HEATR5A: variants seen among roughly 807,000 people sequenced by gnomAD.
HEATR5A encodes HEAT repeat containing 5A.
Under a neutral mutation model 218.8 loss-of-function variants are expected in HEATR5A, and 178 were observed. That is an observed-to-expected ratio of 0.81 (90% CI 0.72 to 0.92). HEATR5A has a LOEUF of 0.92. Among genes scored for constraint, HEATR5A ranks in the 40% least tolerant of loss-of-function variants. The pLI is 0.00. For missense variants in HEATR5A, 2,420 were observed against 2,418.9 expected, an observed-to-expected ratio of 1.00 and a Z score of -0.01; for synonymous variants, 864 against 871.6, an observed-to-expected ratio of 0.99 and a Z score of 0.15.
intron 34 of HEATR5A, among the ~76,000 whole-genome samples, chr14:31,295,114 C>T (rs1192975216): frequency 6.6e-6 from 1 of 151,968 alleles, no homozygotes; most frequent in Non-Finnish European, 1.5e-5. Flanking sequence ...TGGCTATGAA[C>T]TCACCTAGAG....
intron 11 of HEATR5A, among the ~76,000 whole-genome samples, chr14:31,376,616 C>G (rs1026962285): frequency 2.6e-5 from 4 of 152,050 alleles, no homozygotes; most frequent in African/African-American, 9.7e-5. Flanking sequence ...GAGATAAATC[C>G]AAGTTTTTTC....
At chr14:31,345,382 T>C (rs1566762251) in intron 19 of HEATR5A, 106 bp from the exon 20 acceptor site, 4 of 823,326 alleles carry the variant, frequency 4.9e-6, no homozygotes, top group Non-Finnish European at 7.6e-6. Flanking sequence ...TAACAGCAAA[T>C]GTGAATGCTA....
chr14:31,328,902 AAAG>A (rs1900365246), intron 22 of HEATR5A, among the ~76,000 whole-genome samples: 5 of 151,980 alleles, frequency 3.3e-5, no homozygotes. Flanking sequence ...AAAAAAAAAA[AAAG>A]AGGTTTCATT....
At chr14:31,417,653 G>C (rs2031497782) in intron 1 of HEATR5A, among the ~76,000 whole-genome samples, 1 of 152,016 alleles carries the variant, frequency 6.6e-6, no homozygotes, top group Admixed American at 6.6e-5. Flanking sequence ...CGGAGGCTGA[G>C]GCAGGAGAAT....
chr14:31,368,350 C>T (rs998688256), intron 13 of HEATR5A, among the ~76,000 whole-genome samples: 5 of 151,988 alleles, frequency 3.3e-5, no homozygotes, highest in Admixed American at 1.3e-4. Flanking sequence ...AATAAGTGCC[C>T]GTTTTTTAAT....
At position 31,305,130 on chromosome 14, in the gene HEATR5A, C is replaced by G; in HGVS notation, c.5014G>C (p.Gly1672Arg). The G allele has an allele frequency of 6.2e-7, 1 of 1,613,970 alleles. No homozygotes were observed. Residue 1672 changes from glycine (G) to arginine (R), a missense_variant, in exon 32 of 36, where the codon GGA becomes CGA. Transcript: ENST00000543095. Reference sequence around the variant, plus strand: ...GGCACAAGTCCTCCGGTGTCCTTTCCCTCTCCAAACTCTGGCAGAGTTTCC... The same window carrying G: ...GGCACAAGTCCTCCGGTGTCCTTTCGCTCTCCAAACTCTGGCAGAGTTTCC... ...EKETLPEFGE[G>R]KDTGGLVPGK...
At chr14:31,409,457 T>G (rs949392010) in intron 1 of HEATR5A, among the ~76,000 whole-genome samples, 22 of 152,014 alleles carry the variant, frequency 1.4e-4, no homozygotes, top group Non-Finnish European at 3.2e-4. Context: ...CCCAGCACTT[T>G]GGGAAGCCAA....
chr14:31,320,909 T>C (rs1900078515), intron 25 of HEATR5A, among the ~76,000 whole-genome samples: 1 of 152,150 alleles, frequency 6.6e-6, no homozygotes, highest in Non-Finnish European at 1.5e-5. Context: ...TGTACTTTGC[T>C]TTTACTTGAA....
At chr14:31,319,494 G>T (rs1459530873) in intron 25 of HEATR5A, among the ~76,000 whole-genome samples, 1 of 152,092 alleles carries the variant, frequency 6.6e-6, no homozygotes, top group African/African-American at 2.4e-5. Context: ...CCTTCATTTT[G>T]CTTTGTCCCT....
chr14:31,343,461 A>G (rs1900910224), intron 21 of HEATR5A, among the ~76,000 whole-genome samples: 1 of 152,198 alleles, frequency 6.6e-6, no homozygotes, highest in Non-Finnish European at 1.5e-5. Context: ...ATACAATATT[A>G]GAAGCCAGAT....
In HEATR5A at chr14:31,309,059, G is replaced by A. The variant is rs752049067; in HGVS notation, c.4565C>T (p.Pro1522Leu). 1.2e-6 allele frequency: 2 copies of A among 1,613,824 alleles called. No individual in the cohort carries two copies. Among genetic ancestry groups the A allele is most frequent in the Admixed American group, 3.3e-5 (2 of 59,984 alleles). The part of the protein sequence containing the change: ...LTSTGFVVAD[P>L]DEGASNLSRP... Reference sequence around the variant, plus strand: ...GGAGAGATTAGATGCTCCTTCATCTGGGTCAGCAACAACAAAACCCGTGCT... The same window carrying A: ...GGAGAGATTAGATGCTCCTTCATCTAGGTCAGCAACAACAAAACCCGTGCT... The change falls in exon 29 of 36, where the codon CCA becomes CTA. Residue 1522 changes from proline to leucine, a missense_variant. By Grantham distance (98) the Pro-to-Leu change is moderately conservative. Coordinates refer to ENST00000543095, the MANE Select transcript of HEATR5A (RefSeq NM_015473.4).
At chr14:31,357,336 A>G (rs919228063) in intron 16 of HEATR5A, among the ~76,000 whole-genome samples, 2 of 152,242 alleles carry the variant, frequency 1.3e-5, no homozygotes, top group Non-Finnish European at 2.9e-5. Flanking sequence ...CACCAAAGAG[A>G]TAAAGGTAAA....
intron 13 of HEATR5A, chr14:31,371,596 C>A: frequency 2.9e-6 from 1 of 344,502 alleles, no homozygotes; most frequent in Non-Finnish European, 5.2e-6. Context: ...GTTAAATCTG[C>A]CTGTATGTAA....
intron 1 of HEATR5A, among the ~76,000 whole-genome samples, chr14:31,418,784 CTTAA>C (rs1436569271): frequency 6.6e-6 from 1 of 152,164 alleles, no homozygotes; most frequent in African/African-American, 2.4e-5. Flanking sequence ...TCATTAAACG[CTTAA>C]TTCAGAATAA....
chr14:31,340,352 A>G, intron 21 of HEATR5A: 4 of 514,724 alleles, frequency 7.8e-6, no homozygotes, highest in Non-Finnish European at 1.2e-5. Context: ...TTAAAAAAAG[A>G]GATGCAGAGG....
intron 1 of HEATR5A, among the ~76,000 whole-genome samples, chr14:31,412,785 A>G (rs1029053674): frequency 7.2e-5 from 11 of 152,044 alleles, no homozygotes; most frequent in Admixed American, 6.6e-4. Context: ...GAGGCAGGAG[A>G]ATCGCTTGAA....
intron 21 of HEATR5A, among the ~76,000 whole-genome samples, chr14:31,340,894 C>G (rs1900817910): frequency 6.6e-6 from 1 of 152,080 alleles, no homozygotes; most frequent in African/African-American, 2.4e-5. Context: ...TAGTTTAACT[C>G]TTAGAAGCCA....
rs1899571181 is a variant in HEATR5A at position 31,306,884 on chromosome 14, C to G, written c.4819-5G>C. 29 of 1,596,046 alleles carry G rather than the reference C, an allele frequency of 1.8e-5. No individual in the cohort carries two copies. The highest frequency in any genetic ancestry group is 2.5e-5 in the Non-Finnish European group (29 of 1,167,682). On this transcript the variant is annotated splice_region_variant and splice_polypyrimidine_tract_variant and intron_variant, in intron 30 of 35. Transcript: ENST00000543095. Reference sequence around the variant, plus strand: ...CAGCAATTCTATACCCAAGTCCTATCATGGAAATCATGTACAGGACACTGT... The same window carrying G: ...CAGCAATTCTATACCCAAGTCCTATGATGGAAATCATGTACAGGACACTGT...
At chr14:31,346,265 A>G (rs1446679914) in intron 19 of HEATR5A, among the ~76,000 whole-genome samples, 1 of 152,236 alleles carries the variant, frequency 6.6e-6, no homozygotes, top group African/African-American at 2.4e-5. Context: ...TCAATATACA[A>G]CTAGGTACAT....
Sources: allele counts gnomAD v4.1 joint callset (sites outside exome capture counted in the v4.1 genomes callset), GRCh38; gene constraint gnomAD v4.1.1; transcripts MANE v1.5; gene names NCBI Gene and HGNC (gene_info 2026-07-23, HGNC 2026-07-21).